Variants in KIF4A observed in about 807,000 individuals in gnomAD.
KIF4A encodes the protein kinesin family member 4A.
A neutral mutation model predicts 105.9 loss-of-function variants in KIF4A; 7 were observed. That is an observed-to-expected ratio of 0.07 (90% CI 0.04 to 0.12). The LOEUF (loss-of-function observed/expected upper bound fraction) is 0.12, where lower values mean the gene tolerates loss of function less well. Ranked by LOEUF, KIF4A falls within the 10% of genes least tolerant of loss-of-function variation. The pLI is 1.00. For missense variants in KIF4A, 558 were observed against 929.2 expected (o/e 0.60, Z 5.19); for synonymous variants, 281 against 331.3 (o/e 0.85, Z 1.65).
In KIF4A at chrX:70,374,266, G is replaced by C; in HGVS notation, c.1778+12G>C. Reference sequence around the variant, plus strand: ...GCCAACCAAGCCAAGTAAGAATAAAGTTAATAAATGTTATTTCAAGTCCCT... The same window carrying C: ...GCCAACCAAGCCAAGTAAGAATAAACTTAATAAATGTTATTTCAAGTCCCT... On this transcript the variant is annotated intron_variant, in intron 16 of 30. Coordinates refer to ENST00000374403, the MANE Select transcript of KIF4A (RefSeq NM_012310.5). The C allele has an allele frequency of 9.4e-7, 1 of 1,065,029 alleles. No individual in the cohort carries two copies. The highest frequency in any genetic ancestry group is 1.3e-6 in the Non-Finnish European group (1 of 766,097). 87.8% of individuals were successfully genotyped at this position (1,065,029 alleles called of 1,213,427 possible).
intron 17 of KIF4A, among the ~76,000 whole-genome samples, chrX:70,375,566 A>G (rs976671981): frequency 3.6e-5 from 4 of 111,910 alleles, no homozygotes; most frequent in African/African-American, 1.3e-4. Flanking sequence ...TCAAAATTTA[A>G]TGTTAGAGTC....
chrX:70,323,110 G>A (rs1027339439), intron 7 of KIF4A, among the ~76,000 whole-genome samples: 5 of 110,565 alleles, frequency 4.5e-5, no homozygotes, highest in African/African-American at 9.9e-5. Flanking sequence ...TCATCTATGT[G>A]TCTTTCTGCA....
intron 9 of KIF4A, among the ~76,000 whole-genome samples, chrX:70,332,919 T>C (rs1449550755): frequency 2.7e-5 from 3 of 111,812 alleles, no homozygotes; most frequent in Non-Finnish European, 3.8e-5. Context: ...TCTTGTATTA[T>C]TTCCTACTAT....
chrX:70,300,160 T>C (rs1198828860), intron 5 of KIF4A, among the ~76,000 whole-genome samples: 1 of 111,629 alleles, frequency 9.0e-6, no homozygotes, highest in Non-Finnish European at 1.9e-5. Flanking sequence ...CAGGTGCCTG[T>C]GCTCCTGATT....
At chrX:70,383,800 A>G (rs2086206916) in intron 18 of KIF4A, among the ~76,000 whole-genome samples, 1 of 112,487 alleles carries the variant, frequency 8.9e-6, no homozygotes, top group Admixed American at 9.5e-5. Context: ...ACCATGTATG[A>G]TAGGATTCCA....
intron 24 of KIF4A, 104 bp downstream of exon 24, chrX:70,404,138 C>T (rs1394014208): frequency 8.5e-6 from 8 of 946,418 alleles, no homozygotes; most frequent in Middle Eastern, 3.2e-4. Context: ...CAAAAGTCCA[C>T]GTGGCCTTTT....
chrX:70,378,165 G>A (rs1602788837), intron 18 of KIF4A, among the ~76,000 whole-genome samples: 1 of 111,618 alleles, frequency 9.0e-6, no homozygotes, highest in Middle Eastern at 4.6e-3. Flanking sequence ...CTAAAACAGT[G>A]TTTGGAGGGA....
intron 11 of KIF4A, 26 bp from the exon 12 acceptor site, chrX:70,343,677 G>A: frequency 8.3e-7 from 1 of 1,202,556 alleles, no homozygotes; most frequent in Non-Finnish European, 1.1e-6. Context: ...CACCGCCACT[G>A]ATGATCTCCT....
intron 22 of KIF4A, 59 bp downstream of exon 22, chrX:70,396,108 C>A: frequency 1.2e-6 from 1 of 845,138 alleles, no homozygotes; most frequent in Non-Finnish European, 1.7e-6. Flanking sequence ...AAAAATTGAA[C>A]CTATTAATCT....
chrX:70,344,136 T>G (rs2085982801), intron 13 of KIF4A, among the ~76,000 whole-genome samples, 154 bp downstream of exon 13: 1 of 112,362 alleles, frequency 8.9e-6, no homozygotes, highest in Admixed American at 9.4e-5. Flanking sequence ...ATGATCTGAA[T>G]ATTGAGTTTG....
chrX:70,314,470 C>G (rs759833139), intron 7 of KIF4A, among the ~76,000 whole-genome samples: 2 of 111,754 alleles, frequency 1.8e-5, no homozygotes, highest in African/African-American at 6.5e-5. Context: ...TGAAGGGAAG[C>G]TAGTGAGAAA....
At chrX:70,361,149 G>A (rs760439017) in intron 15 of KIF4A, among the ~76,000 whole-genome samples, 1 of 113,203 alleles carries the variant, frequency 8.8e-6, no homozygotes, top group African/African-American at 3.2e-5. Context: ...GCCCCGCTTC[G>A]AGCCTATTGG....
chrX:70,326,820 G>A (rs1239858765), intron 7 of KIF4A, among the ~76,000 whole-genome samples: 2 of 111,961 alleles, frequency 1.8e-5, no homozygotes, highest in African/African-American at 6.5e-5. Context: ...GTTTTGTGGT[G>A]ATTTATTTCA....
Position 70,304,513 on chromosome X carries a change from A to G in KIF4A, c.778+2115A>G, listed in dbSNP as rs185478886. 1.3e-3 allele frequency among the ~76,000 whole-genome samples: 142 copies of G among 110,137 alleles called. 1 individual carries two copies. The highest frequency in any genetic ancestry group is 4.5e-4 in the Non-Finnish European group (24 of 52,784). On this transcript the variant is annotated intron_variant, in intron 7 of 30. Transcript: ENST00000374403. ...AGTTTTCGATCCCTGAGGAATCGCCACACTGACTTCCACAATGGTTGAACT... is the reference window on the plus strand; with the variant it reads ...AGTTTTCGATCCCTGAGGAATCGCCGCACTGACTTCCACAATGGTTGAACT...
At chrX:70,354,455 T>C (rs187475948) in intron 15 of KIF4A, among the ~76,000 whole-genome samples, 1 of 112,654 alleles carries the variant, frequency 8.9e-6, no homozygotes, top group Admixed American at 9.3e-5. Flanking sequence ...GTGTTTATAT[T>C]GAGGAACAGC....
chrX:70,415,728 A>T (rs1397680375), intron 28 of KIF4A, among the ~76,000 whole-genome samples: 1 of 108,085 alleles, frequency 9.3e-6, no homozygotes, highest in Non-Finnish European at 1.9e-5. Context: ...AGTGCATAGG[A>T]GACCTTGGTT....
intron 7 of KIF4A, among the ~76,000 whole-genome samples, chrX:70,319,124 G>A (rs2085880957): frequency 9.0e-6 from 1 of 110,871 alleles, no homozygotes; most frequent in Admixed American, 9.6e-5. Flanking sequence ...TTAGTCTGGC[G>A]TGGTGGCGGG....
intron 18 of KIF4A, among the ~76,000 whole-genome samples, chrX:70,380,535 A>G (rs769547713): frequency 2.6e-4 from 29 of 112,036 alleles, no homozygotes; most frequent in Middle Eastern, 4.6e-3. Flanking sequence ...CCTCAGCGTA[A>G]TAAAGGGCGT....
intron 10 of KIF4A, among the ~76,000 whole-genome samples, chrX:70,337,659 G>C (rs187268625): frequency 1.1e-3 from 125 of 111,399 alleles, no homozygotes; most frequent in Admixed American, 5.7e-3. Context: ...AACAGAGTGA[G>C]ACCCTGTCTC....
Sources: allele counts gnomAD v4.1 joint callset (sites outside exome capture counted in the v4.1 genomes callset), GRCh38; gene constraint gnomAD v4.1.1; transcripts MANE v1.5; gene names NCBI Gene and HGNC (gene_info 2026-07-23, HGNC 2026-07-21).